The following MTCL2 variants were observed in gnomAD, a reference collection of about 807,000 sequenced individuals.
MTCL2 encodes the protein microtubule crosslinking factor 2.
the MTCL2 span, among the ~76,000 whole-genome samples, chr20:36,860,162 C>G: frequency 2.6e-5 from 4 of 152,160 alleles, no homozygotes; most frequent in African/African-American, 9.7e-5. Flanking sequence ...TCCTTCCCCT[C>G]TCTGGCCTTA....
At chr20:36,806,501 T>C in the MTCL2 span, among the ~76,000 whole-genome samples, 1 of 152,198 alleles carries the variant, frequency 6.6e-6, no homozygotes, top group African/African-American at 2.4e-5. Context: ...TAATTATATA[T>C]GTTATGTAAT....
chr20:36,785,581 G>A, the MTCL2 span: 16 of 985,416 alleles, frequency 1.6e-5, no homozygotes, highest in Non-Finnish European at 1.9e-5. Context: ...TAAACACAGT[G>A]GAGATGTAGT....
At chr20:36,796,616 T>C in the MTCL2 span, among the ~76,000 whole-genome samples, 3 of 152,244 alleles carry the variant, frequency 2.0e-5, no homozygotes. Context: ...CTGTGTTCCA[T>C]TCCCGGACTC....
chr20:36,826,577 C>T, the MTCL2 span, among the ~76,000 whole-genome samples: 1 of 151,418 alleles, frequency 6.6e-6, no homozygotes, highest in Non-Finnish European at 1.5e-5. Context: ...GGGGTTTTGC[C>T]ATGTTGCTCA....
the MTCL2 span, among the ~76,000 whole-genome samples, chr20:36,838,883 C>T: frequency 6.6e-5 from 10 of 151,868 alleles, no homozygotes; most frequent in African/African-American, 2.4e-4. Context: ...CAAGAGAAAT[C>T]GCTTGATCCC....
the MTCL2 span, among the ~76,000 whole-genome samples, chr20:36,816,713 C>G: frequency 5.3e-5 from 8 of 152,164 alleles, no homozygotes; most frequent in African/African-American, 1.7e-4. Context: ...AGTACTTCAT[C>G]CAATTCTTCC....
the MTCL2 span, chr20:36,812,759 G>C: frequency 6.2e-7 from 1 of 1,613,968 alleles, no homozygotes; most frequent in South Asian, 1.1e-5. Flanking sequence ...GCTCCGGCTG[G>C]GGTCGGGCTT....
the MTCL2 span, chr20:36,794,816 T>C: frequency 1.3e-5 from 8 of 610,526 alleles, no homozygotes; most frequent in Non-Finnish European, 2.3e-5. The surrounding 1 kb of genome is among the most constrained non-coding windows in gnomAD (Gnocchi z 5.4). Flanking sequence ...TCACCCAGGC[T>C]GGAATGCAGT....
At chr20:36,785,045 G>A in the MTCL2 span, 4 of 985,404 alleles carry the variant, frequency 4.1e-6, no homozygotes, top group Non-Finnish European at 4.8e-6. Flanking sequence ...CGTCTGGGGA[G>A]TGGTGATGGC....
At chr20:36,842,415 C>T in the MTCL2 span, among the ~76,000 whole-genome samples, 1 of 152,212 alleles carries the variant, frequency 6.6e-6, no homozygotes, top group Non-Finnish European at 1.5e-5. Flanking sequence ...AACCTAGTCA[C>T]AAATGGGAAT....
At chr20:36,796,836 G>T in the MTCL2 span, 1 of 1,595,312 alleles carries the variant, frequency 6.3e-7, no homozygotes, top group Non-Finnish European at 8.6e-7. Context: ...GGGCGAGGCT[G>T]TGGGGCCGGT....
chr20:36,778,947 C>T, the MTCL2 span: 1 of 152,224 alleles, frequency 6.6e-6, no homozygotes, highest in Non-Finnish European at 1.5e-5. Flanking sequence ...TGCCTCAGCC[C>T]TTCAAAGATG....
At chr20:36,824,103 C>T in the MTCL2 span, among the ~76,000 whole-genome samples, 4 of 152,008 alleles carry the variant, frequency 2.6e-5, no homozygotes, top group Admixed American at 1.3e-4. Flanking sequence ...AGAGTCAGTG[C>T]GGGTTTGAGA....
At chr20:36,862,716 C>T in the MTCL2 span, 2 of 1,500,862 alleles carry the variant, frequency 1.3e-6, no homozygotes, top group South Asian at 1.3e-5. Flanking sequence ...GCCGCTGGGC[C>T]CGCAGTCCAG....
the MTCL2 span, among the ~76,000 whole-genome samples, chr20:36,861,167 G>A: frequency 6.6e-6 from 1 of 152,216 alleles, no homozygotes; most frequent in Non-Finnish European, 1.5e-5. Context: ...ACTGGAAGCA[G>A]CTCAGAGCAC....
At chr20:36,807,398 G>C in the MTCL2 span, among the ~76,000 whole-genome samples, 211 of 152,264 alleles carry the variant, frequency 1.4e-3, 1 homozygote, top group African/African-American at 5.0e-3. Context: ...GCCTGGACTA[G>C]AGGAGGGCCA....
the MTCL2 span, chr20:36,805,922 C>T: frequency 6.2e-7 from 1 of 1,613,706 alleles, no homozygotes; most frequent in Non-Finnish European, 8.5e-7. Context: ...TCTCCTCTTC[C>T]TCCATCAGCA....
At chr20:36,820,985 C>G in the MTCL2 span, among the ~76,000 whole-genome samples, 5 of 152,190 alleles carry the variant, frequency 3.3e-5, no homozygotes, top group African/African-American at 1.2e-4. Flanking sequence ...AGGCTTTCTT[C>G]TTTAATTTAT....
At chr20:36,788,458 GA>G in the MTCL2 span, among the ~76,000 whole-genome samples, 1 of 151,030 alleles carries the variant, frequency 6.6e-6, no homozygotes, top group Non-Finnish European at 1.5e-5. Flanking sequence ...GAGACCATCT[GA>G]AACCCCGTCT....
Sources: gnomAD v4.1 joint callset for allele counts (sites outside exome capture counted in the v4.1 genomes callset) on GRCh38, gnomAD v4.1.1 for gene constraint, Gnocchi (gnomAD v3.1) non-coding constraint, MANE v1.5 for transcripts, NCBI Gene and HGNC (gene_info 2026-07-23, HGNC 2026-07-21) for gene names.